The following OR1B1 variants were observed in gnomAD, a reference collection of about 807,000 sequenced individuals.
OR1B1 encodes olfactory receptor 1B1.
For missense variants in OR1B1, 414 were observed against 402.1 expected (o/e 1.03, Z -0.25); for synonymous variants, 168 against 156.2 (o/e 1.08, Z -0.57).
exon 1 of OR1B1, chr9:122,629,295 G>C (rs1181080216): frequency 1.2e-6 from 2 of 1,613,996 alleles, no homozygotes; most frequent in African/African-American, 1.3e-5. Flanking sequence ...AGCAACTGGG[G>C]CAGTGTAACT....
the OR1B1 span, among the ~76,000 whole-genome samples, chr9:122,652,027 C>T: frequency 6.6e-6 from 1 of 152,300 alleles, no homozygotes; most frequent in African/African-American, 2.4e-5. Flanking sequence ...TCTCCAACTC[C>T]TGGCCTCAAG....
At chr9:122,628,760 C>A (rs758936987) in exon 1 of OR1B1, 1 of 1,614,062 alleles carries the variant, frequency 6.2e-7, no homozygotes, top group South Asian at 1.1e-5. Context: ...AATGATGGTG[C>A]CGTAGAGGAA....
chr9:122,648,279 A>G, the OR1B1 span, among the ~76,000 whole-genome samples: 1 of 152,244 alleles, frequency 6.6e-6, no homozygotes, highest in Non-Finnish European at 1.5e-5. Flanking sequence ...AATGTAATCC[A>G]TCACATAAAC....
At chr9:122,646,228 A>G in the OR1B1 span, among the ~76,000 whole-genome samples, 1 of 152,110 alleles carries the variant, frequency 6.6e-6, no homozygotes, top group Non-Finnish European at 1.5e-5. Flanking sequence ...AAATAAAAGC[A>G]TACCACCGCT....
exon 1 of OR1B1, chr9:122,628,896 G>C: frequency 6.2e-7 from 1 of 1,614,134 alleles, no homozygotes; most frequent in Admixed American, 1.7e-5. Flanking sequence ...CAGGGGCCCA[G>C]CATAAGGAAG....
chr9:122,644,986 TCAGA>T, the OR1B1 span, among the ~76,000 whole-genome samples: 1 of 152,176 alleles, frequency 6.6e-6, no homozygotes, highest in Non-Finnish European at 1.5e-5. Flanking sequence ...ATATGAACTT[TCAGA>T]CAAAGAATTC....
chr9:122,632,456 G>C (rs139977433), upstream of OR1B1, among the ~76,000 whole-genome samples: 48 of 152,272 alleles, frequency 3.2e-4, no homozygotes, highest in Non-Finnish European at 5.6e-4. Context: ...TGGAAGAACA[G>C]GTGGTATTTG....
chr9:122,652,938 G>T, the OR1B1 span, among the ~76,000 whole-genome samples: 1 of 152,060 alleles, frequency 6.6e-6, no homozygotes. Context: ...CCAAGCTAAG[G>T]GTGCCTGTGA....
At chr9:122,646,394 A>G in the OR1B1 span, among the ~76,000 whole-genome samples, 340 of 152,222 alleles carry the variant, frequency 2.2e-3, no homozygotes, top group African/African-American at 7.8e-3. Flanking sequence ...ATCAAAAGAC[A>G]TAAAGTGGCT....
At chr9:122,650,244 T>C in the OR1B1 span, among the ~76,000 whole-genome samples, 1 of 151,932 alleles carries the variant, frequency 6.6e-6, no homozygotes, top group African/African-American at 2.4e-5. Context: ...CACCGGGGCC[T>C]GTCGGTGGGT....
the OR1B1 span, among the ~76,000 whole-genome samples, chr9:122,650,805 C>T: frequency 3.3e-5 from 5 of 151,986 alleles, no homozygotes; most frequent in African/African-American, 9.7e-5. Context: ...GGGCGGATCA[C>T]GAGGTCAGGA....
At chr9:122,645,701 C>T in the OR1B1 span, among the ~76,000 whole-genome samples, 3 of 152,106 alleles carry the variant, frequency 2.0e-5, no homozygotes, top group East Asian at 1.9e-4. Flanking sequence ...TGAAAATATC[C>T]ATTAAGCATG....
At chr9:122,629,798 C>T (rs991092494), upstream of OR1B1, among the ~76,000 whole-genome samples, 35 of 152,140 alleles carry the variant, frequency 2.3e-4, no homozygotes, top group African/African-American at 7.7e-4. Context: ...TACTAAAGTC[C>T]CTCCCACAGT....
upstream of OR1B1, among the ~76,000 whole-genome samples, chr9:122,631,852 A>T (rs1473813180): frequency 6.6e-6 from 1 of 152,206 alleles, no homozygotes; most frequent in African/African-American, 2.4e-5. Context: ...GAAAATTCAG[A>T]TCGCTCAGTC....
chr9:122,656,708 G>A, the OR1B1 span, among the ~76,000 whole-genome samples: 1 of 152,170 alleles, frequency 6.6e-6, no homozygotes, highest in African/African-American at 2.4e-5. Context: ...GACAAAGACA[G>A]TATCATTTCA....
upstream of OR1B1, among the ~76,000 whole-genome samples, chr9:122,634,005 A>G (rs867457925): frequency 6.6e-6 from 1 of 151,446 alleles, no homozygotes; most frequent in Non-Finnish European, 1.5e-5. Flanking sequence ...GAAATACACT[A>G]TAGCCTGACC....
At chr9:122,649,222 C>A in the OR1B1 span, among the ~76,000 whole-genome samples, 5 of 152,162 alleles carry the variant, frequency 3.3e-5, no homozygotes, top group Non-Finnish European at 7.4e-5. Context: ...CAACTGGACC[C>A]ATTCCTTACA....
At chr9:122,631,231 C>A (rs767259921), upstream of OR1B1, among the ~76,000 whole-genome samples, 1 of 151,694 alleles carries the variant, frequency 6.6e-6, no homozygotes, top group Non-Finnish European at 1.5e-5. Flanking sequence ...GGCTGGAGTG[C>A]AGTGGCACGA....
the OR1B1 span, among the ~76,000 whole-genome samples, chr9:122,640,458 T>G: frequency 1.3e-5 from 2 of 151,964 alleles, no homozygotes; most frequent in Non-Finnish European, 2.9e-5. Flanking sequence ...GCTAATAATA[T>G]AGTCGAAGGA....
Sources: allele counts gnomAD v4.1 joint callset (sites outside exome capture counted in the v4.1 genomes callset), GRCh38; gene constraint gnomAD v4.1.1; transcripts MANE v1.5; gene names NCBI Gene and HGNC (gene_info 2026-07-23, HGNC 2026-07-21).